Variants in MCM3AP observed in about 807,000 individuals in gnomAD.
MCM3AP encodes the protein minichromosome maintenance complex component 3 associated protein.
MCM3AP carries 126 observed loss-of-function variants against 184.1 expected under a neutral mutation model. That is an observed-to-expected ratio of 0.68 (90% CI 0.59 to 0.79). The LOEUF is 0.79. Ranked by LOEUF, MCM3AP falls within the 30% of genes least tolerant of loss-of-function variation. The pLI is 0.00. For synonymous variants in MCM3AP, 1,002 were observed against 979.3 expected, an observed-to-expected ratio of 1.02 and a Z score of -0.43; for missense variants, 2,496 against 2,479.2, an observed-to-expected ratio of 1.01 and a Z score of -0.14.
rs1601511717 is a variant in MCM3AP at position 46,256,676 on chromosome 21, GCCTCCAGGCTTCACCTATCTTCA to G, written c.3932+90_3932+112del. On this transcript the variant is annotated intron_variant, in intron 17 of 27. Coordinates refer to ENST00000291688, the MANE Select transcript of MCM3AP (RefSeq NM_003906.5). Reference sequence around the variant, plus strand: ...TCGCCTCCAGGCTTCACCTATCTTCGCCTCCAGGCTTCACCTATCTTCACCCTCCAAACACACACATTAATTCC... The same window carrying G: ...TCGCCTCCAGGCTTCACCTATCTTCGCCCTCCAAACACACACATTAATTCC... 2.3e-6 allele frequency: 3 copies of G among 1,315,454 alleles called. No homozygotes were observed. In the East Asian group the frequency reaches 7.6e-5, roughly 34 times the overall value. 81.5% of individuals were successfully genotyped at this position (1,315,454 alleles called of 1,614,324 possible).
At chr21:46,273,730 T>C in intron 6 of MCM3AP, 145 bp from the exon 7 acceptor site, 1 of 655,862 alleles carries the variant, frequency 1.5e-6, no homozygotes, top group Non-Finnish European at 2.6e-6. Context: ...AAAATTTCTG[T>C]TAAAAGGTGA....
intron 23 of MCM3AP, 53 bp downstream of exon 23, chr21:46,244,754 G>T: frequency 6.5e-7 from 1 of 1,544,188 alleles, no homozygotes; most frequent in Non-Finnish European, 8.7e-7. Context: ...TGAGAAGGAA[G>T]CCTGAGACTT....
rs539485851 is a variant in MCM3AP, at chr21:46,285,521, G to T, written c.-235C>A. On this transcript the variant is annotated 5_prime_UTR_variant, in exon 1 of 28. Coordinates refer to ENST00000291688, the MANE Select transcript of MCM3AP (RefSeq NM_003906.5). ...CAGGCAAAGGGTTATTATTTTCTGA[G>T]AGCCGATAGGTTATTTTGTTGGAGG... The T allele has an allele frequency of 3.9e-6, 2 of 512,236 alleles. No homozygotes were observed. Among genetic ancestry groups the T allele is most frequent in the Non-Finnish European group, 6.9e-6 (2 of 290,180 alleles). The allele number at this position is 512,236 out of a possible 1,614,324, so 31.7% of individuals were successfully genotyped here.
In MCM3AP at chr21:46,259,036, A is replaced by G. The variant is rs371465158; in HGVS notation, c.3637T>C (p.Cys1213Arg). 6.2e-7 allele frequency: 1 copy of G among 1,614,036 alleles called. No individual in the cohort carries two copies. The highest frequency in any genetic ancestry group is 1.3e-5 in the African/African-American group (1 of 74,918). The change falls in exon 16 of 28, where the codon TGT (cysteine) becomes CGT (arginine). Residue 1213 changes from cysteine to arginine, a missense_variant. Coordinates refer to ENST00000291688, the MANE Select transcript of MCM3AP (RefSeq NM_003906.5). ...VRVARCCEDVCAHLVDLFLVE... is the reference protein window; with the variant it reads ...VRVARCCEDVRAHLVDLFLVE... ...AGAAACAAGTCCACTAAGTGGGCAC[A>G]GACATCCTCACAGCAACGGGCCACA...
chr21:46,262,224 C>T (rs1376213896), intron 13 of MCM3AP, among the ~76,000 whole-genome samples: 1 of 152,202 alleles, frequency 6.6e-6, no homozygotes, highest in Non-Finnish European at 1.5e-5. Context: ...CTATTAAACA[C>T]TAACGAAAAA....
At position 46,236,978 on chromosome 21, in the gene MCM3AP, A is replaced by T; in HGVS notation, c.5635T>A (p.Phe1879Ile). The change falls in exon 27 of 28, where the codon TTT becomes ATT. Residue 1879 changes from phenylalanine (F) to isoleucine (I), a missense_variant and splice_region_variant. Around this residue, in one of 5 missense-constraint regions of MCM3AP, gnomAD observed 1,323 missense variants for 1,273.4 expected, o/e 1.04. Transcript: ENST00000291688. ...AACCATTGCTGAAGCTGATCTTCAA[A>T]CCTGAAACAATATGTAATAAATTCA... ...LLLEKEENKR[F>I]EDQLQQWLSE... 1.3e-6 allele frequency: 2 copies of T among 1,510,272 alleles called. No individual in the cohort carries two copies. The highest frequency in any genetic ancestry group is 1.8e-6 in the Non-Finnish European group (2 of 1,135,890). The allele number at this position is 1,510,272 out of a possible 1,614,324, so 93.6% of individuals were successfully genotyped here. A position where few individuals can be genotyped will look rare whatever the true frequency, so the allele number is the denominator to read the frequency against.
chr21:46,274,864 G>A (rs1168287464), intron 6 of MCM3AP, among the ~76,000 whole-genome samples: 2 of 150,486 alleles, frequency 1.3e-5, no homozygotes, highest in African/African-American at 2.5e-5. Flanking sequence ...ACCTGAGCCT[G>A]GGAAGTTGAG....
chr21:46,265,488 C>A lies in MCM3AP; in HGVS notation c.3067G>T (p.Asp1023Tyr). 4 of 1,611,928 alleles carry A rather than the reference C, an allele frequency of 2.5e-6. No individual in the cohort carries two copies. Among genetic ancestry groups the A allele is most frequent in the African/African-American group, 1.3e-5 (1 of 74,930 alleles). The change falls in exon 12 of 28, where the codon GAT (aspartate) becomes TAT (tyrosine). Residue 1023 changes from aspartate to tyrosine, a missense_variant. Asp to Tyr is a radical substitution (Grantham distance 160). This residue lies in a region of MCM3AP where 1,323 missense variants were observed against 1,273.4 expected (regional missense o/e 1.04). Transcript: ENST00000291688. ...GRGEECGVEPDAPLSSLPQSL... is the reference protein window; with the variant it reads ...GRGEECGVEPYAPLSSLPQSL... ...TGTGGGAGACTGGACAGGGGTGCAT[C>A]CGGCTCTACACCACACTCCTCTCCT...
intron 20 of MCM3AP, chr21:46,250,153 ACT>A (rs60698877): frequency 0.14 from 20,737 of 152,148 alleles, 3,056 homozygotes; most frequent in African/African-American, 0.37. Context: ...CAATAAGGCA[ACT>A]CTATTTCTTG....
At chr21:46,246,945 G>C (rs2080783216) in intron 20 of MCM3AP, 59 bp from the exon 21 acceptor site, 4 of 1,570,958 alleles carry the variant, frequency 2.5e-6, no homozygotes, top group Non-Finnish European at 3.5e-6. Flanking sequence ...AGCAGTGACT[G>C]ATCTGCCCCA....
chr21:46,246,504 G>C (rs1434107286), intron 21 of MCM3AP, 100 bp from the exon 22 acceptor site: 9 of 1,439,780 alleles, frequency 6.3e-6, no homozygotes, highest in Non-Finnish European at 8.8e-6. Context: ...GCAGTGGACA[G>C]TCACCACAGG....
At chr21:46,279,961 G>A (rs753520243) in intron 4 of MCM3AP, 32 bp downstream of exon 4, 40 of 1,589,554 alleles carry the variant, frequency 2.5e-5, no homozygotes, top group Non-Finnish European at 2.9e-5. Context: ...TGGTCCTTCC[G>A]GAATAAGGTC....
chr21:46,247,126 T>G, intron 20 of MCM3AP: 1 of 422,518 alleles, frequency 2.4e-6, no homozygotes. Context: ...CCTCAACCTT[T>G]TTTTTTTTTT....
At position 46,283,820 on chromosome 21, in the gene MCM3AP, G is replaced by A. The variant is rs17182566; in HGVS notation, c.1238C>T (p.Pro413Leu). The change falls in exon 2 of 28, where the codon CCG becomes CTG. Residue 413 changes from proline (P) to leucine (L), a missense_variant. Pro to Leu is a moderately conservative substitution (Grantham distance 98). Around this residue, in one of 5 missense-constraint regions of MCM3AP, gnomAD observed 800 missense variants for 717.1 expected, o/e 1.12. Coordinates refer to ENST00000291688, the MANE Select transcript of MCM3AP (RefSeq NM_003906.5). ...EKKEDSLRGT[P>L]ARQSNRSEST... ...CTCGCTTCTGTTACTCTGACGCGCC[G>A]GAGTTCCTCTTAGAGAATCTAGGGG... 6,357 of 1,612,624 alleles carry A rather than the reference G, an allele frequency of 3.9e-3. 232 individuals carry two copies. In the South Asian group the frequency reaches 0.061, roughly 16 times the overall value.
chr21:46,273,790 C>A (rs2081219079), intron 6 of MCM3AP, among the ~76,000 whole-genome samples: 1 of 152,158 alleles, frequency 6.6e-6, no homozygotes, highest in African/African-American at 2.4e-5. Context: ...GCAAATATGA[C>A]AAGGAGTTAA....
At chr21:46,262,892 C>T (rs1358817899) in intron 13 of MCM3AP, among the ~76,000 whole-genome samples, 17 of 132,154 alleles carry the variant, frequency 1.3e-4, no homozygotes, top group Admixed American at 6.1e-4. Flanking sequence ...GCGTGAACCC[C>T]GGGGGGCGGA....
rs2123834953 is a variant in MCM3AP at position 46,246,879 on chromosome 21, TG to T, written c.4297del (p.His1433MetfsTer32). ...AATGGCACCATCACTGAGGGCGCCATGGGCCACCTGCAACAGCATCAAGATC... is the reference window on the plus strand; with the variant it reads ...AATGGCACCATCACTGAGGGCGCCATGGCCACCTGCAACAGCATCAAGATC... The part of the protein sequence containing the change: ...ISVNVCIKVA[H>X]GALSDGAIDA... On this transcript the variant is annotated frameshift_variant, in exon 21 of 28. Coordinates refer to ENST00000291688, the MANE Select transcript of MCM3AP (RefSeq NM_003906.5). LOFTEE classifies it high-confidence loss of function. The T allele has an allele frequency of 6.2e-6, 10 of 1,613,620 alleles. No individual in the cohort carries two copies. The highest frequency in any genetic ancestry group is 8.5e-6 in the Non-Finnish European group (10 of 1,179,544).
chr21:46,257,089 T>C (rs567424617), intron 16 of MCM3AP, 103 bp from the exon 17 acceptor site: 111 of 1,453,838 alleles, frequency 7.6e-5, no homozygotes, highest in Non-Finnish European at 9.8e-5. Flanking sequence ...GGACATCAAA[T>C]GAGTGTGGTG....
chr21:46,243,308 G>A (rs1467060239), intron 24 of MCM3AP, 157 bp downstream of exon 24: 5 of 928,588 alleles, frequency 5.4e-6, no homozygotes, highest in East Asian at 4.9e-5. Flanking sequence ...CTGTCTCAAT[G>A]TTTTTAAGTC....
Sources: allele counts gnomAD v4.1 joint callset (sites outside exome capture counted in the v4.1 genomes callset), GRCh38; gene constraint gnomAD v4.1.1; regional missense constraint gnomAD v4.1.1; transcripts MANE v1.5; gene names NCBI Gene and HGNC (gene_info 2026-07-23, HGNC 2026-07-21).